The following COLEC12 variants were observed in gnomAD, a reference collection of about 807,000 sequenced individuals.
COLEC12 encodes collectin subfamily member 12, also known as collectin-12.
Under a neutral mutation model 71.1 loss-of-function variants are expected in COLEC12, and 33 were observed. The observed-to-expected ratio is 0.46, with a 90% CI of 0.35 to 0.62. The LOEUF (loss-of-function observed/expected upper bound fraction) is 0.62. Among genes scored for constraint, COLEC12 ranks in the 20% least tolerant of loss-of-function variants. The pLI is 0.00. For missense variants in COLEC12, 765 were observed against 916.1 expected (o/e 0.84, Z 2.13); for synonymous variants, 350 against 353.0 (o/e 0.99, Z 0.10).
intron 2 of COLEC12, among the ~76,000 whole-genome samples, chr18:423,235 C>T (rs1248802185): frequency 6.6e-6 from 1 of 152,154 alleles, no homozygotes; most frequent in Non-Finnish European, 1.5e-5. Flanking sequence ...TGCCACTGCA[C>T]TCCAGCCTGG....
In COLEC12 at chr18:486,978, C is replaced by T. The variant is rs113023807; in HGVS notation, c.8-6221G>A. On this transcript the variant is annotated intron_variant, in intron 1 of 9. Transcript: ENST00000400256. ...AATTCTGCTCCTAGGTTTATACCTA[C>T]GAGAAATAAAAACATATGTCCATAC... Among the ~76,000 whole-genome samples, 866 of 152,074 alleles carry T rather than the reference C, an allele frequency of 5.7e-3. 3 individuals are homozygous for T. Among genetic ancestry groups the T allele is most frequent in the African/African-American group, 0.02 (823 of 41,456 alleles).
intron 2 of COLEC12, among the ~76,000 whole-genome samples, chr18:474,665 G>T (rs572093550): frequency 3.0e-4 from 46 of 152,340 alleles, no homozygotes; most frequent in African/African-American, 1.0e-3. Flanking sequence ...CTGCCTGGAA[G>T]CAGAGGATAC....
At position 423,330 on chromosome 18, in the gene COLEC12, A is replaced by G. The variant is rs567108096; in HGVS notation, c.58+57377T>C. Reference sequence around the variant, plus strand: ...AGAACATGTGCAGGACATCGTGTTAACTAGGAATACAAAAATGAAGATGTG... The same window carrying G: ...AGAACATGTGCAGGACATCGTGTTAGCTAGGAATACAAAAATGAAGATGTG... On this transcript the variant is annotated intron_variant, in intron 2 of 9. Transcript: ENST00000400256. Among the ~76,000 whole-genome samples, 3 of 152,330 alleles carry G rather than the reference A, an allele frequency of 2.0e-5. No individual in the cohort carries two copies. In the South Asian group the frequency reaches 6.2e-4, roughly 32 times the overall value.
intron 2 of COLEC12, among the ~76,000 whole-genome samples, chr18:358,697 G>C (rs1249240742): frequency 6.6e-6 from 1 of 152,168 alleles, no homozygotes; most frequent in Non-Finnish European, 1.5e-5. Context: ...CAGGTAACTG[G>C]TCCATGGCCC....
chr18:498,970 G>T (rs1917766061), intron 1 of COLEC12, among the ~76,000 whole-genome samples: 1 of 152,200 alleles, frequency 6.6e-6, no homozygotes, highest in African/African-American at 2.4e-5. Flanking sequence ...ACCCACGTGG[G>T]AGCTGATGGA....
chr18:438,181 G>A (rs1484663249), intron 2 of COLEC12, among the ~76,000 whole-genome samples: 1 of 152,156 alleles, frequency 6.6e-6, no homozygotes, highest in African/African-American at 2.4e-5. Flanking sequence ...TAAAAAAGTA[G>A]ATATGAGTGA....
chr18:431,539 A>G (rs955142862), intron 2 of COLEC12, among the ~76,000 whole-genome samples: 2 of 152,230 alleles, frequency 1.3e-5, no homozygotes, highest in Non-Finnish European at 2.9e-5. Context: ...CAAGTAAAGG[A>G]TGACTGAGGT....
At chr18:366,071 G>A (rs939236982) in intron 2 of COLEC12, among the ~76,000 whole-genome samples, 2 of 152,298 alleles carry the variant, frequency 1.3e-5, no homozygotes, top group African/African-American at 4.8e-5. Flanking sequence ...TCTTCAAGGT[G>A]TAAGTAGCAG....
At chr18:378,876 C>T (rs1163877516) in intron 2 of COLEC12, among the ~76,000 whole-genome samples, 2 of 152,192 alleles carry the variant, frequency 1.3e-5, no homozygotes, top group African/African-American at 2.4e-5. Context: ...CCATCCCCCT[C>T]ATTCTCAGCA....
At chr18:441,160 A>G (rs1598364452) in intron 2 of COLEC12, among the ~76,000 whole-genome samples, 1 of 148,760 alleles carries the variant, frequency 6.7e-6, no homozygotes, top group Admixed American at 6.8e-5. Context: ...AGGCAGGAGA[A>G]TGGCGTGAAC....
At chr18:368,223 C>T (rs1478111500) in intron 2 of COLEC12, among the ~76,000 whole-genome samples, 1 of 152,158 alleles carries the variant, frequency 6.6e-6, no homozygotes, top group African/African-American at 2.4e-5. Flanking sequence ...TACACACACA[C>T]ACAAAGTGAC....
chr18:500,665 G>T lies in COLEC12; in HGVS notation c.-151C>A. The T allele has an allele frequency of 6.7e-6, 3 of 448,680 alleles. No individual in the cohort carries two copies. The highest frequency in any genetic ancestry group is 2.2e-5 in the African/African-American group (1 of 45,820). 27.8% of individuals were successfully genotyped at this position (448,680 alleles called of 1,614,324 possible). ...CCCCCGTCCTCCCTCGCCGCCGCCG[G>T]CCCGCGCTCCCCGCGCTCCCGGCTC... On this transcript the variant is annotated 5_prime_UTR_variant, in exon 1 of 10. Transcript: ENST00000400256. This position sits in a 1 kb window ranked among gnomAD's most constrained non-coding sequence, Gnocchi z 5.3.
At chr18:462,424 A>G (rs1917001046) in intron 2 of COLEC12, among the ~76,000 whole-genome samples, 1 of 152,202 alleles carries the variant, frequency 6.6e-6, no homozygotes, top group South Asian at 2.1e-4. Context: ...AAAAGACAAT[A>G]TATTATGTGA....
chr18:430,949 C>T (rs1916290961), intron 2 of COLEC12, among the ~76,000 whole-genome samples: 4 of 152,144 alleles, frequency 2.6e-5, no homozygotes, highest in Admixed American at 2.6e-4. Context: ...AAGTGAGTGG[C>T]AACATATAGG....
chr18:345,784 T>C lies in COLEC12; in HGVS notation c.1327+511A>G, dbSNP rs962663043. 4.6e-5 allele frequency among the ~76,000 whole-genome samples: 7 copies of C among 152,272 alleles called. No individual in the cohort carries two copies. In the East Asian group the frequency reaches 7.7e-4, roughly 17 times the overall value. The stretch of plus-strand genomic sequence containing the variant: ...CCTTTAAGTACTGTCCACAGATTCT[T>C]AGTTACACTTCTTTTCAAGATGTGG... On this transcript the variant is annotated intron_variant, in intron 5 of 9. Coordinates refer to ENST00000400256, the MANE Select transcript of COLEC12 (RefSeq NM_130386.3).
intron 2 of COLEC12, among the ~76,000 whole-genome samples, chr18:375,782 C>T (rs979102071): frequency 3.9e-5 from 6 of 152,228 alleles, no homozygotes; most frequent in African/African-American, 1.2e-4. Context: ...GTTGGTTGAA[C>T]TGCCCATTGT....
chr18:358,395 C>G (rs1914672923), intron 2 of COLEC12, among the ~76,000 whole-genome samples: 1 of 152,082 alleles, frequency 6.6e-6, no homozygotes, highest in South Asian at 2.1e-4. Flanking sequence ...AATGTAGAAA[C>G]AGTGGGAGCC....
intron 1 of COLEC12, among the ~76,000 whole-genome samples, chr18:484,926 G>T (rs1330669537): frequency 6.6e-6 from 1 of 152,254 alleles, no homozygotes; most frequent in African/African-American, 2.4e-5. Flanking sequence ...GGAAGAGGAA[G>T]AGGGTAAAGC....
At position 357,443 on chromosome 18, in the gene COLEC12, C is replaced by A. The variant is rs34395012; in HGVS notation, c.138G>T (p.Leu46Phe). 1.9e-5 allele frequency: 31 copies of A among 1,603,004 alleles called. No homozygotes were observed. Among genetic ancestry groups the A allele is most frequent in the Non-Finnish European group, 2.5e-5 (29 of 1,175,976 alleles). Reference sequence around the variant, plus strand: ...CTACTGTGATTGTTAGCAAGGCACACAAAATGTATAATAATATGATAGAAA... The same window carrying A: ...CTACTGTGATTGTTAGCAAGGCACAAAAAATGTATAATAATATGATAGAAA... Reference protein sequence around the residue: ...LKFSIILLYILCALLTITVAI... With the variant: ...LKFSIILLYIFCALLTITVAI... Residue 46 changes from leucine (L) to phenylalanine (F), a missense_variant, in exon 3 of 10, where the codon TTG (leucine) becomes TTT (phenylalanine). Coordinates refer to ENST00000400256, the MANE Select transcript of COLEC12 (RefSeq NM_130386.3).
Sources: gnomAD v4.1 joint callset for allele counts (sites outside exome capture counted in the v4.1 genomes callset) on GRCh38, gnomAD v4.1.1 for gene constraint, Gnocchi (gnomAD v3.1) non-coding constraint, MANE v1.5 for transcripts, NCBI Gene and HGNC (gene_info 2026-07-23, HGNC 2026-07-21) for gene names.